ATF7: variants seen among roughly 807,000 people sequenced by gnomAD.
ATF7 encodes the protein cyclic AMP-dependent transcription factor ATF-7.
Under a neutral mutation model 50.4 loss-of-function variants are expected in ATF7, and 10 were observed. That is an observed-to-expected ratio of 0.20 (90% CI 0.12 to 0.34). ATF7 has a LOEUF of 0.34. Among genes scored for constraint, ATF7 ranks in the 10% least tolerant of loss-of-function variants. The probability of loss-of-function intolerance (pLI) is 1.00; values close to 1 mark genes in which losing one functional copy is unlikely to be tolerated. For missense variants in ATF7, 465 were observed against 613.9 expected (o/e 0.76, Z 2.56); for synonymous variants, 201 against 226.4 (o/e 0.89, Z 1.01).
At chr12:53,624,041 G>C (rs894122989) in intron 1 of ATF7, among the ~76,000 whole-genome samples, 1 of 150,140 alleles carries the variant, frequency 6.7e-6, no homozygotes, top group Non-Finnish European at 1.5e-5. Flanking sequence ...GCACTAGTGA[G>C]AAAAAAAAAA....
At chr12:53,615,627 AT>A (rs1944089159) in intron 1 of ATF7, among the ~76,000 whole-genome samples, 1 of 152,158 alleles carries the variant, frequency 6.6e-6, no homozygotes, top group Admixed American at 6.5e-5. Flanking sequence ...TAATCCCAAC[AT>A]TTTGGGAAGC....
At chr12:53,594,767 T>C (rs1943083286) in intron 2 of ATF7, among the ~76,000 whole-genome samples, 1 of 151,846 alleles carries the variant, frequency 6.6e-6, no homozygotes, top group Non-Finnish European at 1.5e-5. Flanking sequence ...TGGGCGCTTA[T>C]AGTCCCAGTA....
chr12:53,592,034 C>A (rs1402245038), intron 2 of ATF7, among the ~76,000 whole-genome samples: 1 of 152,146 alleles, frequency 6.6e-6, no homozygotes, highest in African/African-American at 2.4e-5. Flanking sequence ...CTGATGTGAA[C>A]AACAAGATTT....
At chr12:53,552,026 G>A (rs532122493) in intron 3 of ATF7, among the ~76,000 whole-genome samples, 27 of 152,296 alleles carry the variant, frequency 1.8e-4, no homozygotes, top group Non-Finnish European at 3.2e-4. Context: ...AAGTCCCACT[G>A]ACTAAATGTC....
intron 1 of ATF7, among the ~76,000 whole-genome samples, chr12:53,617,324 C>T (rs1326426769): frequency 6.6e-6 from 1 of 152,130 alleles, no homozygotes; most frequent in East Asian, 1.9e-4. Flanking sequence ...TGTATTATGT[C>T]CTTCTTAAAA....
At chr12:53,571,782 T>C (rs1437470680) in intron 2 of ATF7, among the ~76,000 whole-genome samples, 2 of 151,968 alleles carry the variant, frequency 1.3e-5, no homozygotes, top group Non-Finnish European at 1.5e-5. Context: ...AAAAATGTGT[T>C]TTGGTTGGGC....
At chr12:53,541,446 A>C (rs1939546686) in intron 4 of ATF7, among the ~76,000 whole-genome samples, 1 of 152,146 alleles carries the variant, frequency 6.6e-6, no homozygotes. Flanking sequence ...CTAAAGTAAA[A>C]TTTGATCTTT....
At chr12:53,509,502 G>A (rs565158527), downstream of ATF7, among the ~76,000 whole-genome samples, 22 of 147,456 alleles carry the variant, frequency 1.5e-4, no homozygotes, top group Non-Finnish European at 2.7e-4. Context: ...TTACACTCCA[G>A]CTTTTTTTTT....
intron 2 of ATF7, among the ~76,000 whole-genome samples, chr12:53,579,106 G>T (rs1386264840): frequency 6.6e-6 from 1 of 151,904 alleles, no homozygotes; most frequent in Admixed American, 6.6e-5. Flanking sequence ...AAATTAGTCA[G>T]GCATGGTGGT....
chr12:53,550,261 T>C (rs983992115), intron 3 of ATF7, among the ~76,000 whole-genome samples: 32 of 148,602 alleles, frequency 2.2e-4, no homozygotes, highest in African/African-American at 8.0e-4. Context: ...GAGGGGGAGG[T>C]TGTGGTGAGC....
intron 4 of ATF7, among the ~76,000 whole-genome samples, chr12:53,540,149 G>A (rs1939455189): frequency 1.3e-5 from 2 of 151,512 alleles, no homozygotes; most frequent in African/African-American, 4.9e-5. Context: ...TCAAGAGTTC[G>A]AGACCAGCCA....
At chr12:53,538,617 C>T (rs1043308339) in intron 4 of ATF7, among the ~76,000 whole-genome samples, 4 of 152,156 alleles carry the variant, frequency 2.6e-5, no homozygotes, top group African/African-American at 9.7e-5. Context: ...GGCCTTGACA[C>T]TGAACCAGGA....
intron 1 of ATF7, among the ~76,000 whole-genome samples, chr12:53,616,052 A>T (rs1944103315): frequency 6.6e-6 from 1 of 152,156 alleles, no homozygotes; most frequent in Non-Finnish European, 1.5e-5. Flanking sequence ...CGTCTACTAC[A>T]GCAAAAAGAA....
At chr12:53,520,993 A>AT (rs11453651) in intron 11 of ATF7, among the ~76,000 whole-genome samples, 9,948 of 139,092 alleles carry the variant, frequency 0.072, 490 homozygotes, top group East Asian at 0.22. Flanking sequence ...AGTCAGATCA[A>AT]TTTTTTTTTT....
In ATF7 at chr12:53,601,031, G is replaced by T. The variant is rs1352404279; in HGVS notation, c.-21-10C>A. On this transcript the variant is annotated splice_polypyrimidine_tract_variant and intron_variant, in intron 1 of 11. Coordinates refer to ENST00000420353, the MANE Select transcript of ATF7 (RefSeq NM_006856.3). ...ATATAGCAGAGAGGAGCTGAGGAGG[G>T]GGAGGTGAGGGAAAAAGTTATGTTA... 1.9e-6 allele frequency: 3 copies of T among 1,597,754 alleles called. No homozygotes were observed. Among genetic ancestry groups the T allele is most frequent in the Admixed American group, 3.5e-5 (2 of 56,812 alleles).
intron 1 of ATF7, among the ~76,000 whole-genome samples, chr12:53,610,583 A>G (rs1026974173): frequency 5.3e-5 from 8 of 150,448 alleles, no homozygotes; most frequent in African/African-American, 1.7e-4. Context: ...AAAAAAAAAA[A>G]GGTACAAGAA....
At chr12:53,540,587 G>C (rs1020498206) in intron 4 of ATF7, among the ~76,000 whole-genome samples, 1 of 151,272 alleles carries the variant, frequency 6.6e-6, no homozygotes, top group Non-Finnish European at 1.5e-5. Context: ...TTAGCCAGGC[G>C]TCGTGGCATG....
rs1027487204 is a variant in ATF7, at chr12:53,512,238, T to C, written c.*4899A>G. On this transcript the variant is annotated 3_prime_UTR_variant, in exon 12 of 12. Coordinates refer to ENST00000420353, the MANE Select transcript of ATF7 (RefSeq NM_006856.3). ...CCTGCCTCAGCCCAGTCCCAGGAGA[T>C]TGTGAGAACCAGCTCACAGGGATCA... 6 of 152,072 alleles carry C rather than the reference T, an allele frequency of 3.9e-5. No homozygotes were observed. Among genetic ancestry groups the C allele is most frequent in the African/African-American group, 9.7e-5 (4 of 41,364 alleles). 9.4% of individuals were successfully genotyped at this position (152,072 alleles called of 1,614,324 possible).
chr12:53,587,843 A>ATATATATATATATATTTATATATATT, intron 2 of ATF7, among the ~76,000 whole-genome samples: 1 of 61,568 alleles, frequency 1.6e-5, no homozygotes, highest in Non-Finnish European at 3.4e-5. Context: ...ATATATATAT[A>ATATATATATATATATTTATATATATT]TTTTTTTTTT....
Sources: gnomAD v4.1 joint callset for allele counts (sites outside exome capture counted in the v4.1 genomes callset) on GRCh38, gnomAD v4.1.1 for gene constraint, MANE v1.5 for transcripts, NCBI Gene and HGNC (gene_info 2026-07-23, HGNC 2026-07-21) for gene names.